Variants in LAPTM4A observed in about 807,000 individuals in gnomAD.
LAPTM4A encodes the protein lysosomal protein transmembrane 4 alpha.
LAPTM4A carries 19 observed loss-of-function variants against 29.9 expected under a neutral mutation model. The observed-to-expected ratio is 0.64, with a 90% CI of 0.44 to 0.93. LAPTM4A has a LOEUF of 0.93. LAPTM4A is among the 40% of genes least tolerant of loss of function. The pLI is 0.00. For synonymous variants in LAPTM4A, 105 were observed against 102.1 expected (o/e 1.03, Z -0.17); for missense variants, 293 against 288.5 (o/e 1.02, Z -0.11).
rs141664058 is a variant in LAPTM4A at position 20,050,210 on chromosome 2, T to C, written c.111+1200A>G. On this transcript the variant is annotated intron_variant, in intron 1 of 6. Coordinates refer to ENST00000175091, the MANE Select transcript of LAPTM4A (RefSeq NM_014713.5). ...AAAACAACAGGGCAGGTAGCAGTCA[T>C]GTGGAGTCAGGTAGTCCCCCGGGGG... Among the ~76,000 whole-genome samples the C allele has an allele frequency of 2.0e-5, 3 of 152,298 alleles. No homozygotes were observed. The East Asian group carries it at 5.8e-4, about 29-fold the overall frequency.
chr2:20,051,273 G>A, intron 1 of LAPTM4A, 137 bp downstream of exon 1: 1 of 682,672 alleles, frequency 1.5e-6, no homozygotes, highest in Non-Finnish European at 2.7e-6. Context: ...ACTTCATCCA[G>A]AGTTGGCGCG....
chr2:20,037,990 C>T (rs1407831646), intron 2 of LAPTM4A, among the ~76,000 whole-genome samples: 2 of 152,102 alleles, frequency 1.3e-5, no homozygotes, highest in African/African-American at 2.4e-5. Flanking sequence ...GAGGCAGAAA[C>T]AATTTGCTTT....
intron 1 of LAPTM4A, among the ~76,000 whole-genome samples, chr2:20,050,558 T>A (rs1674031519): frequency 6.6e-6 from 1 of 152,060 alleles, no homozygotes; most frequent in Admixed American, 6.5e-5. Context: ...CATAGACAAG[T>A]TAGGTTTAAT....
At chr2:20,043,060 C>T (rs868166267) in intron 1 of LAPTM4A, among the ~76,000 whole-genome samples, 69 of 149,036 alleles carry the variant, frequency 4.6e-4, no homozygotes, top group African/African-American at 1.5e-3. Context: ...CTGCCTCAGT[C>T]CCCGGGGTAG....
At chr2:20,050,728 C>G (rs1173046151) in intron 1 of LAPTM4A, among the ~76,000 whole-genome samples, 1 of 152,158 alleles carries the variant, frequency 6.6e-6, no homozygotes, top group African/African-American at 2.4e-5. Flanking sequence ...GGAGAGGGCT[C>G]TCAATAAAGG....
chr2:20,051,267 C>T, intron 1 of LAPTM4A, 143 bp downstream of exon 1: 2 of 670,958 alleles, frequency 3.0e-6, no homozygotes, highest in South Asian at 3.4e-5. Context: ...CCTTGGACTT[C>T]ATCCAGAGTT....
At chr2:20,045,344 T>C (rs3769759) in intron 1 of LAPTM4A, among the ~76,000 whole-genome samples, 24,770 of 152,018 alleles carry the variant, frequency 0.16, 2,515 homozygotes, top group East Asian at 0.31. Flanking sequence ...TGTGTGCCTG[T>C]AGTCCCAGCT....
At chr2:20,034,934 C>T (rs1673647646) in intron 5 of LAPTM4A, 33 bp downstream of exon 5, 2 of 1,469,274 alleles carry the variant, frequency 1.4e-6, no homozygotes, top group African/African-American at 2.8e-5. Context: ...GTGTCAATCT[C>T]AGTCACCCCT....
At chr2:20,042,185 G>A (rs1430281908) in intron 1 of LAPTM4A, among the ~76,000 whole-genome samples, 9 of 152,040 alleles carry the variant, frequency 5.9e-5, no homozygotes, top group African/African-American at 2.2e-4. Flanking sequence ...GGCTGGTCTT[G>A]AACTCTTGGC....
At chr2:20,034,484 G>A in intron 5 of LAPTM4A, 69 bp from the exon 6 acceptor site, 1 of 1,051,836 alleles carries the variant, frequency 9.5e-7, no homozygotes, top group Non-Finnish European at 1.5e-6. Flanking sequence ...AAATGCCAGT[G>A]ACTTAGAATG....
intron 1 of LAPTM4A, among the ~76,000 whole-genome samples, chr2:20,049,016 T>C (rs957607880): frequency 6.6e-6 from 1 of 152,254 alleles, no homozygotes; most frequent in Non-Finnish European, 1.5e-5. Context: ...CAATGGCCTT[T>C]TTCCAGTACT....
chr2:20,034,340 G>C lies in LAPTM4A; in HGVS notation c.604C>G (p.Pro202Ala), dbSNP rs775924622. 3.7e-6 allele frequency: 6 copies of C among 1,613,562 alleles called. No individual in the cohort carries two copies. Among genetic ancestry groups the C allele is most frequent in the Admixed American group, 1.7e-5 (1 of 60,012 alleles). The change falls in exon 6 of 7, where the codon CCT (proline) becomes GCT (alanine). Residue 202 changes from proline (P) to alanine (A), a missense_variant. Coordinates refer to ENST00000175091, the MANE Select transcript of LAPTM4A (RefSeq NM_014713.5). ...NRNVPEIAVY[P>A]AFEAPPQYVL... ...ACCTGAGGAGGTGCTTCAAAGGCAG[G>C]GTACACAGCAATCTCCGGCACGTTT... is the stretch of plus-strand genomic sequence containing the variant.
chr2:20,035,378 G>A, intron 4 of LAPTM4A: 1 of 295,358 alleles, frequency 3.4e-6, no homozygotes, highest in Non-Finnish European at 6.6e-6. Context: ...TATGGCACTG[G>A]AGATCAGTCC....
chr2:20,040,398 G>T (rs1673768641), intron 2 of LAPTM4A, among the ~76,000 whole-genome samples: 1 of 152,184 alleles, frequency 6.6e-6, no homozygotes, highest in South Asian at 2.1e-4. Context: ...CAGCAAGAAT[G>T]ACTTAAATAT....
At chr2:20,049,984 T>C (rs1451648222) in intron 1 of LAPTM4A, among the ~76,000 whole-genome samples, 6 of 152,200 alleles carry the variant, frequency 3.9e-5, no homozygotes, top group Admixed American at 6.5e-5. Context: ...ATGCAGCTGA[T>C]GGTCATTAAC....
intron 1 of LAPTM4A, among the ~76,000 whole-genome samples, chr2:20,048,367 A>C (rs1673981258): frequency 6.6e-6 from 1 of 152,230 alleles, no homozygotes; most frequent in Non-Finnish European, 1.5e-5. Flanking sequence ...CTGTTACTTA[A>C]CCAGGTATGC....
chr2:20,050,645 C>T (rs1455686712), intron 1 of LAPTM4A, among the ~76,000 whole-genome samples: 3 of 152,134 alleles, frequency 2.0e-5, no homozygotes, highest in Non-Finnish European at 4.4e-5. Flanking sequence ...CAGGCAACAA[C>T]AGTGTCAACT....
chr2:20,051,168 A>G (rs1674059610), intron 1 of LAPTM4A, among the ~76,000 whole-genome samples: 1 of 152,076 alleles, frequency 6.6e-6, no homozygotes, highest in Non-Finnish European at 1.5e-5. Context: ...TCTCTCCTCA[A>G]ATTCTTGCCA....
At chr2:20,050,604 A>G (rs1371076411) in intron 1 of LAPTM4A, among the ~76,000 whole-genome samples, 1 of 152,182 alleles carries the variant, frequency 6.6e-6, no homozygotes, top group Non-Finnish European at 1.5e-5. Flanking sequence ...TTACAAAAGA[A>G]AAAATCACAA....
Sources: allele counts gnomAD v4.1 joint callset (sites outside exome capture counted in the v4.1 genomes callset), GRCh38; gene constraint gnomAD v4.1.1; transcripts MANE v1.5; gene names NCBI Gene and HGNC (gene_info 2026-07-23, HGNC 2026-07-21).